FOXP2: variants seen among roughly 807,000 people sequenced by gnomAD.
FOXP2 encodes the protein forkhead box P2.
FOXP2 carries 12 observed loss-of-function variants against 115.8 expected under a neutral mutation model. That is an observed-to-expected ratio of 0.10 (90% confidence interval 0.07 to 0.17). FOXP2 has a LOEUF of 0.17. Ranked by LOEUF, FOXP2 falls within the 10% of genes least tolerant of loss-of-function variation. FOXP2 has a pLI of 1.00. For synonymous variants in FOXP2, 328 were observed against 297.7 expected (o/e 1.10, Z -1.05); for missense variants, 629 against 843.5 (o/e 0.75, Z 3.15).
intron 5 of FOXP2, 102 bp from the exon 6 acceptor site, chr7:114,631,426 A>T: frequency 6.5e-7 from 1 of 1,536,398 alleles, no homozygotes; most frequent in Non-Finnish European, 8.8e-7. Flanking sequence ...ATGACCAAAA[A>T]ACCCACTCAG....
intron 6 of FOXP2, among the ~76,000 whole-genome samples, chr7:114,635,142 GT>G (rs1233171230): frequency 6.6e-6 from 1 of 152,112 alleles, no homozygotes; most frequent in Admixed American, 6.6e-5. Flanking sequence ...AAAATATAAT[GT>G]TTTTAGGCTA....
intron 1 of FOXP2, among the ~76,000 whole-genome samples, chr7:114,171,228 T>G (rs1793129265): frequency 6.6e-6 from 1 of 152,180 alleles, no homozygotes; most frequent in Admixed American, 6.5e-5. Flanking sequence ...AGCCCATTGT[T>G]GAGGCCTCCT....
chr7:114,425,975 AT>A (rs774460741), intron 1 of FOXP2, among the ~76,000 whole-genome samples: 44 of 151,720 alleles, frequency 2.9e-4, no homozygotes, highest in Non-Finnish European at 5.2e-4. Context: ...ACTATTTATC[AT>A]TGGTTGGTAC....
At chr7:114,641,791 A>G in intron 6 of FOXP2, among the ~76,000 whole-genome samples, 1 of 151,612 alleles carries the variant, frequency 6.6e-6, no homozygotes, top group South Asian at 2.1e-4. Context: ...TTATTTATTT[A>G]TTTATTTTTA....
At chr7:114,334,904 A>G (rs910526122) in intron 2 of FOXP2, among the ~76,000 whole-genome samples, 37 of 138,476 alleles carry the variant, frequency 2.7e-4, no homozygotes, top group South Asian at 1.4e-3. Flanking sequence ...GTGTGTGTGT[A>G]TATATATATT....
At chr7:114,184,475 A>T in intron 1 of FOXP2, among the ~76,000 whole-genome samples, 1 of 152,126 alleles carries the variant, frequency 6.6e-6, no homozygotes, top group East Asian at 1.9e-4. Flanking sequence ...ATTAAGCATA[A>T]ATGATTTATG....
rs777560011 is a variant in FOXP2, at chr7:114,664,316, G to T, written c.1883G>T (p.Gly628Val). 2.5e-6 allele frequency: 4 copies of T among 1,613,518 alleles called. No individual in the cohort carries two copies. Among genetic ancestry groups the T allele is most frequent in the Non-Finnish European group, 2.5e-6 (3 of 1,179,688 alleles). ...AGTTTACCTTTGCTAAGTAATCCTG[G>T]ACTGATAAATAATGCATCCAGTGGC... is the stretch of plus-strand genomic sequence containing the variant. ...ESSLPLLSNP[G>V]LINNASSGLL... Residue 628 changes from glycine (G) to valine (V), a missense_variant, in exon 16 of 17, where the codon GGA (glycine) becomes GTA (valine). Physicochemically the swap from Gly to Val is moderately radical, Grantham distance 109 (BLOSUM62 -3). Transcript: ENST00000350908.
At chr7:114,628,415 G>C in intron 3 of FOXP2, 125 bp from the exon 4 acceptor site, 1 of 1,270,412 alleles carries the variant, frequency 7.9e-7, no homozygotes. Context: ...AGTAAAATGT[G>C]ACGTAAAAAT....
At chr7:114,250,820 T>C (rs978852328) in intron 1 of FOXP2, among the ~76,000 whole-genome samples, 8 of 152,222 alleles carry the variant, frequency 5.3e-5, no homozygotes, top group Non-Finnish European at 8.8e-5. Flanking sequence ...TATTTGTCAA[T>C]TTTGGCTTTT....
At chr7:114,365,331 A>T (rs1584668709) in intron 2 of FOXP2, among the ~76,000 whole-genome samples, 1 of 152,282 alleles carries the variant, frequency 6.6e-6, no homozygotes, top group East Asian at 1.9e-4. Context: ...ATTAATCAGC[A>T]TATATCAAAA....
chr7:114,415,586 A>G (rs1793303889), intron 1 of FOXP2, among the ~76,000 whole-genome samples: 1 of 151,950 alleles, frequency 6.6e-6, no homozygotes, highest in African/African-American at 2.4e-5. Context: ...GATTTAAGCT[A>G]TCACTAGTAA....
chr7:114,450,246 T>C (rs1795013124), intron 2 of FOXP2, among the ~76,000 whole-genome samples: 1 of 152,094 alleles, frequency 6.6e-6, no homozygotes, highest in Admixed American at 6.6e-5. Context: ...AACATTAAAA[T>C]GGGCTTGGCT....
intron 2 of FOXP2, among the ~76,000 whole-genome samples, chr7:114,490,907 G>A (rs1171320872): frequency 6.6e-6 from 1 of 152,102 alleles, no homozygotes. Context: ...GTCTATCATT[G>A]TTGAACATTT....
At chr7:114,333,532 C>T (rs1353634212) in intron 2 of FOXP2, among the ~76,000 whole-genome samples, 1 of 152,222 alleles carries the variant, frequency 6.6e-6, no homozygotes, top group Non-Finnish European at 1.5e-5. Flanking sequence ...GCGGGCCGAT[C>T]ATTTGAGACC....
intron 2 of FOXP2, among the ~76,000 whole-genome samples, chr7:114,436,898 A>G (rs1340948795): frequency 6.6e-6 from 1 of 152,120 alleles, no homozygotes; most frequent in Non-Finnish European, 1.5e-5. Flanking sequence ...CATATACCTA[A>G]ATGGTACCAG....
At chr7:114,098,333 A>G (rs1031423283) in intron 1 of FOXP2, among the ~76,000 whole-genome samples, 4 of 152,222 alleles carry the variant, frequency 2.6e-5, no homozygotes, top group African/African-American at 9.6e-5. Flanking sequence ...AAATTATATT[A>G]CAAAGCTGTG....
At chr7:114,397,823 G>A (rs1313272129) in intron 2 of FOXP2, among the ~76,000 whole-genome samples, 1 of 152,118 alleles carries the variant, frequency 6.6e-6, no homozygotes, top group Non-Finnish European at 1.5e-5. Context: ...TAACAATTAG[G>A]AGGTAATTTA....
chr7:114,571,697 G>T (rs1801312053), intron 3 of FOXP2, among the ~76,000 whole-genome samples: 1 of 151,744 alleles, frequency 6.6e-6, no homozygotes, highest in South Asian at 2.1e-4. Flanking sequence ...TGTTTATACA[G>T]CATTTATTTT....
At chr7:114,203,481 C>T (rs1290360099) in intron 1 of FOXP2, among the ~76,000 whole-genome samples, 1 of 152,008 alleles carries the variant, frequency 6.6e-6, no homozygotes. Flanking sequence ...TACAAGTGTG[C>T]GCCACCAGGC....
Sources: gnomAD v4.1 joint callset for allele counts (sites outside exome capture counted in the v4.1 genomes callset) on GRCh38, gnomAD v4.1.1 for gene constraint, MANE v1.5 for transcripts, NCBI Gene and HGNC (gene_info 2026-07-23, HGNC 2026-07-21) for gene names.